NUP58: variants seen among roughly 807,000 people sequenced by gnomAD.
NUP58 encodes nucleoporin 58.
NUP58 carries 17 observed loss-of-function variants against 70.1 expected under a neutral mutation model. The ratio of observed to expected loss-of-function variants is 0.24; its 90% CI spans 0.17 to 0.36. The LOEUF (loss-of-function observed/expected upper bound fraction) is 0.36. Ranked by LOEUF, NUP58 falls within the 10% of genes least tolerant of loss-of-function variation. NUP58 has a pLI of 1.00. For missense variants in NUP58, 644 were observed against 701.5 expected (o/e 0.92, Z 0.93); for synonymous variants, 275 against 257.6 (o/e 1.07, Z -0.65).
intron 1 of NUP58, among the ~76,000 whole-genome samples, chr13:25,305,885 C>T (rs1364024371): frequency 6.6e-6 from 1 of 152,070 alleles, no homozygotes; most frequent in Non-Finnish European, 1.5e-5. Flanking sequence ...ACCCAAGTAA[C>T]TTGGAGAACT....
At chr13:25,337,454 T>C (rs952800263) in intron 14 of NUP58, among the ~76,000 whole-genome samples, 1 of 152,186 alleles carries the variant, frequency 6.6e-6, no homozygotes, top group Admixed American at 6.5e-5. Flanking sequence ...AGGGAAATTA[T>C]TATGAATTGA....
intron 12 of NUP58, among the ~76,000 whole-genome samples, chr13:25,328,940 T>A (rs2031505727): frequency 6.6e-6 from 1 of 152,212 alleles, no homozygotes; most frequent in Non-Finnish European, 1.5e-5. Context: ...TTTGATTTCA[T>A]GCATAGTAAC....
At chr13:25,310,753 G>A (rs944511991) in intron 3 of NUP58, among the ~76,000 whole-genome samples, 1 of 152,154 alleles carries the variant, frequency 6.6e-6, no homozygotes, top group African/African-American at 2.4e-5. Flanking sequence ...CAATCCAGAA[G>A]CATAGTTTCT....
chr13:25,333,342 G>A (rs1345052912), intron 13 of NUP58: 2 of 985,184 alleles, frequency 2.0e-6, no homozygotes, highest in Non-Finnish European at 2.4e-6. Flanking sequence ...GCTTAATCTG[G>A]AGTATTCTTG....
chr13:25,338,840 A>C, intron 15 of NUP58, 109 bp downstream of exon 15: 1 of 805,022 alleles, frequency 1.2e-6, no homozygotes, highest in Non-Finnish European at 2.0e-6. Context: ...TCCCTGATTC[A>C]GTTTTTACTC....
chr13:25,310,190 C>A (rs1260198197), intron 3 of NUP58, among the ~76,000 whole-genome samples: 3 of 145,014 alleles, frequency 2.1e-5, no homozygotes, highest in Admixed American at 1.4e-4. Flanking sequence ...CAGGCACATA[C>A]CACAACCCTT....
chr13:25,316,495 T>C (rs1390178817), intron 6 of NUP58, among the ~76,000 whole-genome samples: 1 of 152,182 alleles, frequency 6.6e-6, no homozygotes, highest in East Asian at 1.9e-4. Flanking sequence ...GGAGATACTA[T>C]TCTAGGGTGA....
chr13:25,332,515 C>T (rs1011876633), intron 13 of NUP58: 2 of 978,468 alleles, frequency 2.0e-6, no homozygotes, highest in Non-Finnish European at 1.2e-6. Context: ...CCATATAGTC[C>T]AGTAGTACAT....
chr13:25,313,420 T>C (rs1310742784), intron 4 of NUP58, among the ~76,000 whole-genome samples, 194 bp from the exon 5 acceptor site: 6 of 152,228 alleles, frequency 3.9e-5, no homozygotes, highest in African/African-American at 1.2e-4. Context: ...CTCAAAGCCC[T>C]TATTTCTGTC....
intron 6 of NUP58, among the ~76,000 whole-genome samples, chr13:25,316,489 A>G (rs369744058): frequency 2.6e-4 from 39 of 152,192 alleles, no homozygotes; most frequent in African/African-American, 6.7e-4. Context: ...TTATAAGGAG[A>G]TACTATTCTA....
chr13:25,308,553 C>T (rs897587904), intron 2 of NUP58, among the ~76,000 whole-genome samples: 8 of 151,526 alleles, frequency 5.3e-5, no homozygotes, highest in African/African-American at 1.2e-4. Flanking sequence ...TCAAGTGATC[C>T]TCCTGCTTTG....
chr13:25,329,713 C>T (rs970746001), intron 12 of NUP58, among the ~76,000 whole-genome samples: 1 of 152,080 alleles, frequency 6.6e-6, no homozygotes, highest in Admixed American at 6.5e-5. Flanking sequence ...TTGAAACAGG[C>T]GTTAACTATT....
intron 2 of NUP58, among the ~76,000 whole-genome samples, chr13:25,308,666 G>A (rs1348927593): frequency 1.3e-4 from 20 of 151,942 alleles, no homozygotes; most frequent in Admixed American, 1.3e-3. Context: ...AAACAAAGTG[G>A]GAAAAGGGCA....
intron 12 of NUP58, among the ~76,000 whole-genome samples, 179 bp from the exon 13 acceptor site, chr13:25,331,178 T>C (rs1312938094): frequency 6.6e-6 from 1 of 152,196 alleles, no homozygotes; most frequent in African/African-American, 2.4e-5. Context: ...AAGGGAGCAG[T>C]AGAACTCTTG....
chr13:25,332,498 G>A (rs1034970163), intron 13 of NUP58: 42 of 983,932 alleles, frequency 4.3e-5, no homozygotes, highest in Non-Finnish European at 5.1e-5. Context: ...GTGTCTTTCT[G>A]AGAGTTCCAT....
intron 1 of NUP58, among the ~76,000 whole-genome samples, chr13:25,307,246 G>A (rs946947925): frequency 6.2e-5 from 7 of 113,506 alleles, no homozygotes; most frequent in African/African-American, 2.0e-4. Flanking sequence ...AGGGAGTCTC[G>A]CTCTGTCACT....
At chr13:25,331,055 A>C (rs768866983) in intron 12 of NUP58, among the ~76,000 whole-genome samples, 2 of 152,092 alleles carry the variant, frequency 1.3e-5, no homozygotes, top group Non-Finnish European at 2.9e-5. Flanking sequence ...CTGCACATTG[A>C]TGGAGTATTT....
downstream of NUP58, among the ~76,000 whole-genome samples, chr13:25,344,278 G>A (rs564579993): frequency 3.0e-4 from 45 of 152,182 alleles, no homozygotes; most frequent in Non-Finnish European, 4.9e-4. Flanking sequence ...TCAGAATCCC[G>A]CCTTGACCAT....
intron 2 of NUP58, among the ~76,000 whole-genome samples, 180 bp from the exon 3 acceptor site, chr13:25,309,067 A>G (rs1258702799): frequency 6.6e-6 from 1 of 152,240 alleles, no homozygotes; most frequent in Non-Finnish European, 1.5e-5. Flanking sequence ...GGCTTGTAAT[A>G]TGAAAACCAG....
Sources: allele counts gnomAD v4.1 joint callset (sites outside exome capture counted in the v4.1 genomes callset), GRCh38; gene constraint gnomAD v4.1.1; transcripts MANE v1.5; gene names NCBI Gene and HGNC (gene_info 2026-07-23, HGNC 2026-07-21).